PHKA2: variants seen among roughly 807,000 people sequenced by gnomAD.
PHKA2 encodes the protein phosphorylase kinase regulatory subunit alpha 2.
Under a neutral mutation model 102.0 loss-of-function variants are expected in PHKA2, and 31 were observed. The observed-to-expected ratio is 0.30, with a 90% CI of 0.23 to 0.41. The LOEUF is 0.41. Among genes scored for constraint, PHKA2 ranks in the 10% least tolerant of loss-of-function variants. The probability of loss-of-function intolerance (pLI) is 1.00; values close to 1 mark genes in which losing one functional copy is unlikely to be tolerated. For synonymous variants in PHKA2, 455 were observed against 416.2 expected (o/e 1.09, Z -1.13); for missense variants, 858 against 1,023.1 (o/e 0.84, Z 2.20).
At chrX:18,911,713 C>T (rs1168478556) in intron 19 of PHKA2, among the ~76,000 whole-genome samples, 1 of 112,627 alleles carries the variant, frequency 8.9e-6, no homozygotes, top group Non-Finnish European at 1.9e-5. Context: ...TATCATGTAG[C>T]CACCTCATGT....
chrX:18,900,786 G>T, intron 27 of PHKA2, 87 bp from the exon 28 acceptor site: 1 of 873,991 alleles, frequency 1.1e-6, no homozygotes, highest in Non-Finnish European at 1.7e-6. Context: ...TTAATCCAGG[G>T]CCGTGTTGGT....
At chrX:18,922,698 C>T (rs1192531788) in intron 17 of PHKA2, among the ~76,000 whole-genome samples, 3 of 99,959 alleles carry the variant, frequency 3.0e-5, no homozygotes, top group African/African-American at 7.2e-5. Flanking sequence ...TTGCTAGGGG[C>T]GGGAGGAGGG....
At chrX:18,976,339 G>A (rs1279242350) in intron 1 of PHKA2, among the ~76,000 whole-genome samples, 1 of 111,944 alleles carries the variant, frequency 8.9e-6, no homozygotes, top group Non-Finnish European at 1.9e-5. Context: ...GTCCTTCTCT[G>A]TAAAAGCATC....
At chrX:18,931,948 C>G (rs887240272) in intron 11 of PHKA2, among the ~76,000 whole-genome samples, 200 bp from the exon 12 acceptor site, 1 of 112,180 alleles carries the variant, frequency 8.9e-6, no homozygotes, top group Non-Finnish European at 1.9e-5. Flanking sequence ...AGTCAAATCG[C>G]GGCCTGGTTC....
At chrX:18,894,704 C>T (rs1238630365) in intron 31 of PHKA2, 5 of 406,542 alleles carry the variant, frequency 1.2e-5, no homozygotes, top group Admixed American at 4.2e-5. Context: ...TTATTCCTTC[C>T]AGCATGAAGC....
rs1300027350 is a variant in PHKA2 at position 18,900,992 on chromosome X, G to A, written c.3028-293C>T. On this transcript the variant is annotated intron_variant, in intron 27 of 32. Coordinates refer to ENST00000379942, the MANE Select transcript of PHKA2 (RefSeq NM_000292.3). The stretch of plus-strand genomic sequence containing the variant: ...CCGATGTTGAGCTGTGGCCCTGTGC[G>A]GTCAGTTCAAAAGGATTTTTTTTTT... Among the ~76,000 whole-genome samples, 6 of 108,768 alleles carry A rather than the reference G, an allele frequency of 5.5e-5. No individual in the cohort carries two copies. The South Asian group carries it at 2.4e-3, about 44-fold the overall frequency. 94.5% of individuals were successfully genotyped at this position (108,768 alleles called of 115,157 possible).
intron 12 of PHKA2, among the ~76,000 whole-genome samples, chrX:18,930,121 G>T: frequency 8.9e-6 from 1 of 112,401 alleles, no homozygotes; most frequent in Non-Finnish European, 1.9e-5. Flanking sequence ...AGATCTTGGG[G>T]TATTCATTCT....
intron 13 of PHKA2, 100 bp downstream of exon 13, chrX:18,929,128 C>T: frequency 1.7e-6 from 1 of 598,871 alleles, no homozygotes; most frequent in East Asian, 3.6e-5. Flanking sequence ...TAGGCACATA[C>T]ACACTTTAAA....
rs1482346304 is a variant in PHKA2 at position 18,893,175 on chromosome X, A to T, written c.*310T>A. 6 of 353,307 alleles carry T rather than the reference A, an allele frequency of 1.7e-5. No individual in the cohort carries two copies. Among genetic ancestry groups the T allele is most frequent in the African/African-American group, 2.6e-5 (1 of 38,521 alleles). 29.1% of individuals were successfully genotyped at this position (353,307 alleles called of 1,213,427 possible). A position where few individuals can be genotyped will look rare whatever the true frequency, so the allele number is the denominator to read the frequency against. On this transcript the variant is annotated 3_prime_UTR_variant, in exon 33 of 33. Coordinates refer to ENST00000379942, the MANE Select transcript of PHKA2 (RefSeq NM_000292.3). ...TGGCGTCTCAGTTCCCTCTGCACTC[A>T]AAAGAGACCAATTTCCAATTCCTCC...
At chrX:18,931,486 AAGCCCCGG>A (rs1462232416) in intron 12 of PHKA2, among the ~76,000 whole-genome samples, 147 bp downstream of exon 12, 7 of 111,357 alleles carry the variant, frequency 6.3e-5, no homozygotes, top group Non-Finnish European at 1.1e-4. Context: ...GCTGAGAGTC[AAGCCCCGG>A]AGCCAACACG....
chrX:18,902,528 G>A (rs1048947152), intron 26 of PHKA2, among the ~76,000 whole-genome samples: 2 of 108,377 alleles, frequency 1.8e-5, no homozygotes, highest in Non-Finnish European at 1.9e-5. Flanking sequence ...TTGGGAGGCC[G>A]AGGCGGGCAG....
intron 1 of PHKA2, among the ~76,000 whole-genome samples, chrX:18,981,163 G>A (rs902731434): frequency 9.0e-6 from 1 of 111,381 alleles, no homozygotes; most frequent in African/African-American, 3.3e-5. Context: ...CTCAGAGAAG[G>A]TGATGAGGCC....
At chrX:18,963,979 C>T (rs1437639954) in intron 1 of PHKA2, among the ~76,000 whole-genome samples, 1 of 110,562 alleles carries the variant, frequency 9.0e-6, no homozygotes, top group Non-Finnish European at 1.9e-5. Flanking sequence ...ACAGAAAGAC[C>T]ACCCTTTCTG....
chrX:18,903,386 C>T (rs970434059), intron 26 of PHKA2, among the ~76,000 whole-genome samples: 4 of 112,437 alleles, frequency 3.6e-5, no homozygotes, highest in African/African-American at 1.3e-4. Flanking sequence ...GTGTGACTCT[C>T]GGAATGCCCC....
At chrX:18,980,813 C>T (rs779468779) in intron 1 of PHKA2, among the ~76,000 whole-genome samples, 1 of 111,790 alleles carries the variant, frequency 8.9e-6, no homozygotes, top group African/African-American at 3.3e-5. Flanking sequence ...TCCCACTCGA[C>T]GAGAAATACC....
Position 18,920,114 on chromosome X carries a change from C to A in PHKA2, c.1881G>T (p.Leu627Phe). The change falls in exon 18 of 33, where the codon TTG becomes TTT. Residue 627 changes from leucine (L) to phenylalanine (F), a missense_variant. Leu to Phe is a conservative substitution (Grantham distance 22). Transcript: ENST00000379942. ...TFLDPDCDEK[L>F]FDNASEGTFS... ...AAGTCCCTTCGCTGGCATTGTCAAA[C>A]AACTTCTCATCACAGTCTGGATCCA... 1 of 1,159,439 alleles carries A rather than the reference C, an allele frequency of 8.6e-7. No homozygotes were observed. Among genetic ancestry groups the A allele is most frequent in the Non-Finnish European group, 1.2e-6 (1 of 847,593 alleles).
intron 1 of PHKA2, among the ~76,000 whole-genome samples, chrX:18,975,432 G>C (rs1601806536): frequency 7.2e-5 from 8 of 111,876 alleles, no homozygotes; most frequent in African/African-American, 2.3e-4. Context: ...ACGTGGAACT[G>C]TAAGTCCAAT....
At chrX:18,919,902 C>A in intron 18 of PHKA2, 130 bp downstream of exon 18, 2 of 563,008 alleles carry the variant, frequency 3.6e-6, no homozygotes, top group Non-Finnish European at 3.0e-6. Context: ...GTTTCAGAAG[C>A]CTCTTTTTTG....
intron 8 of PHKA2, among the ~76,000 whole-genome samples, chrX:18,941,078 A>G (rs989584271): frequency 1.8e-5 from 2 of 112,329 alleles, no homozygotes; most frequent in Non-Finnish European, 3.8e-5. Context: ...GGAGTATTTA[A>G]TATTCTCAGT....
Sources: gnomAD v4.1 joint callset for allele counts (sites outside exome capture counted in the v4.1 genomes callset) on GRCh38, gnomAD v4.1.1 for gene constraint, MANE v1.5 for transcripts, NCBI Gene and HGNC (gene_info 2026-07-23, HGNC 2026-07-21) for gene names.